Variants in ZRANB3 observed in about 807,000 individuals in gnomAD.
ZRANB3 encodes DNA annealing helicase and endonuclease ZRANB3.
Under a neutral mutation model 133.8 loss-of-function variants are expected in ZRANB3, and 125 were observed. The observed-to-expected ratio is 0.93, with a 90% CI of 0.81 to 1.08. ZRANB3 has a LOEUF of 1.08. Ranked by LOEUF, ZRANB3 falls within the 50% of genes least tolerant of loss-of-function variation. The pLI is 0.00. For missense variants in ZRANB3, 1,229 were observed against 1,275.5 expected (o/e 0.96, Z 0.56); for synonymous variants, 387 against 432.7 (o/e 0.89, Z 1.31).
intron 6 of ZRANB3, among the ~76,000 whole-genome samples, chr2:135,341,789 G>C (rs1478918117): frequency 2.0e-5 from 3 of 150,176 alleles, no homozygotes; most frequent in Non-Finnish European, 4.4e-5. Context: ...TGCAGTTGTA[G>C]ATAGGGATGA....
chr2:135,406,691 C>G (rs1018066873), intron 2 of ZRANB3, among the ~76,000 whole-genome samples: 36 of 152,130 alleles, frequency 2.4e-4, no homozygotes, highest in South Asian at 1.0e-3. Flanking sequence ...GAATGTAATC[C>G]AGCATATAAA....
chr2:135,239,682 C>A (rs552760594), intron 12 of ZRANB3, among the ~76,000 whole-genome samples: 3 of 151,994 alleles, frequency 2.0e-5, no homozygotes, highest in African/African-American at 7.3e-5. Context: ...TAAAACAATG[C>A]GTGAGGGAAA....
chr2:135,308,851 C>T (rs1002700219), intron 8 of ZRANB3, among the ~76,000 whole-genome samples: 2 of 152,058 alleles, frequency 1.3e-5, no homozygotes, highest in African/African-American at 4.8e-5. Flanking sequence ...ATAATAACCA[C>T]CTCTTCTTCC....
intron 12 of ZRANB3, among the ~76,000 whole-genome samples, chr2:135,240,860 G>C (rs564797500): frequency 4.6e-5 from 7 of 152,298 alleles, no homozygotes; most frequent in South Asian, 2.1e-4. Context: ...AATTACAGGC[G>C]TGAGCCACCA....
intron 7 of ZRANB3, 64 bp downstream of exon 7, chr2:135,315,295 A>G (rs1683196938): frequency 1.2e-5 from 16 of 1,303,792 alleles, no homozygotes; most frequent in African/African-American, 1.5e-5. Context: ...AAATACGTAT[A>G]ATCTTTAATA....
intron 2 of ZRANB3, among the ~76,000 whole-genome samples, chr2:135,395,938 C>G (rs541686216): frequency 2.0e-5 from 3 of 152,094 alleles, no homozygotes; most frequent in African/African-American, 7.2e-5. Flanking sequence ...GGATTAATAA[C>G]CAGAATAAAG....
chr2:135,297,245 A>G (rs4954233), intron 8 of ZRANB3, among the ~76,000 whole-genome samples: 40,792 of 152,064 alleles, frequency 0.27, 9,152 homozygotes, highest in African/African-American at 0.6. Context: ...CTTCCCGGCC[A>G]CTTTGTTTAC....
intron 2 of ZRANB3, among the ~76,000 whole-genome samples, chr2:135,403,599 G>A (rs970809879): frequency 2.0e-5 from 3 of 152,232 alleles, no homozygotes; most frequent in Non-Finnish European, 4.4e-5. Context: ...GCTTTGAAGA[G>A]AGCAGTGGTT....
intron 14 of ZRANB3, among the ~76,000 whole-genome samples, chr2:135,225,275 A>T (rs1694715471): frequency 6.6e-6 from 1 of 152,178 alleles, no homozygotes; most frequent in Non-Finnish European, 1.5e-5. Context: ...CTGGCTCCAG[A>T]GTCTGTGCTC....
intron 12 of ZRANB3, among the ~76,000 whole-genome samples, chr2:135,247,620 T>C (rs1695857759): frequency 6.6e-6 from 1 of 152,144 alleles, no homozygotes; most frequent in South Asian, 2.1e-4. Flanking sequence ...TAGACTCCTG[T>C]ACATATCCCT....
At chr2:135,387,399 T>C (rs1687030966) in intron 3 of ZRANB3, among the ~76,000 whole-genome samples, 1 of 152,210 alleles carries the variant, frequency 6.6e-6, no homozygotes, top group Non-Finnish European at 1.5e-5. Flanking sequence ...TTTACATATA[T>C]AGAAGTTCTT....
intron 2 of ZRANB3, among the ~76,000 whole-genome samples, chr2:135,405,219 A>C (rs908806181): frequency 7.9e-5 from 12 of 152,212 alleles, no homozygotes; most frequent in African/African-American, 2.9e-4. Flanking sequence ...AAAAGAGACA[A>C]AGAAGGCCGT....
At chr2:135,332,081 T>G (rs945177514) in intron 6 of ZRANB3, among the ~76,000 whole-genome samples, 2 of 152,098 alleles carry the variant, frequency 1.3e-5, no homozygotes, top group Admixed American at 1.3e-4. Context: ...GATAAAACTT[T>G]GTAAAAATAA....
At chr2:135,340,763 G>A (rs1684612801) in intron 6 of ZRANB3, among the ~76,000 whole-genome samples, 2 of 150,662 alleles carry the variant, frequency 1.3e-5, no homozygotes, top group African/African-American at 2.5e-5. Context: ...GGCTGAGGCA[G>A]GAGAATTGCT....
chr2:135,441,631 C>T (rs1167396004), intron 2 of ZRANB3, among the ~76,000 whole-genome samples: 1 of 151,640 alleles, frequency 6.6e-6, no homozygotes, highest in Non-Finnish European at 1.5e-5. Context: ...ATAATATATA[C>T]TTGTATAATA....
At position 135,313,480 on chromosome 2, in the gene ZRANB3, A is replaced by G. The variant is rs1683100266; in HGVS notation, c.966+9T>C. 3.2e-6 allele frequency: 5 copies of G among 1,570,168 alleles called. No individual in the cohort carries two copies. The highest frequency in any genetic ancestry group is 4.4e-6 in the Non-Finnish European group (5 of 1,143,912). Reference sequence around the variant, plus strand: ...GAAGACAAATACATGATGGCCCAGCAAAGAGTACCTTGGCAATAGCAGTTT... The same window carrying G: ...GAAGACAAATACATGATGGCCCAGCGAAGAGTACCTTGGCAATAGCAGTTT... On this transcript the variant is annotated intron_variant, in intron 8 of 20. Transcript: ENST00000264159.
chr2:135,486,698 G>C (rs751624247), intron 2 of ZRANB3, among the ~76,000 whole-genome samples: 1 of 152,104 alleles, frequency 6.6e-6, no homozygotes, highest in Non-Finnish European at 1.5e-5. Flanking sequence ...ATTTTCAGTA[G>C]AGATGGGATT....
intron 6 of ZRANB3, among the ~76,000 whole-genome samples, chr2:135,316,983 A>AAATATAT (rs35114507): frequency 6.8e-5 from 9 of 131,484 alleles, no homozygotes; most frequent in African/African-American, 2.3e-4. Flanking sequence ...AAAAAAAAAA[A>AAATATAT]ATATATATAT....
intron 12 of ZRANB3, among the ~76,000 whole-genome samples, chr2:135,261,485 C>T (rs1286008037): frequency 6.6e-6 from 1 of 152,152 alleles, no homozygotes; most frequent in Non-Finnish European, 1.5e-5. Context: ...AAGATCCCTA[C>T]ATTCTAAGAT....
Sources: allele counts gnomAD v4.1 joint callset (sites outside exome capture counted in the v4.1 genomes callset), GRCh38; gene constraint gnomAD v4.1.1; transcripts MANE v1.5; gene names NCBI Gene and HGNC (gene_info 2026-07-23, HGNC 2026-07-21).